The following IGF1R variants were observed in gnomAD, a reference collection of about 807,000 sequenced individuals.
The protein encoded by IGF1R is insulin-like growth factor 1 receptor.
In IGF1R, 44 loss-of-function variants were observed where a neutral mutation model predicts 144.6. The observed-to-expected ratio is 0.30, with a 90% CI of 0.24 to 0.39. IGF1R has a LOEUF of 0.39. Ranked by LOEUF, IGF1R falls within the 10% of genes least tolerant of loss-of-function variation. IGF1R has a pLI of 1.00. For synonymous variants in IGF1R, 795 were observed against 722.8 expected (o/e 1.10, Z -1.60); for missense variants, 1,355 against 1,833.7 (o/e 0.74, Z 4.77).
At position 98,694,990 on chromosome 15, in the gene IGF1R, C is replaced by A. The variant is rs552609511; in HGVS notation, c.95-12572C>A. Among the ~76,000 whole-genome samples, 56 of 152,228 alleles carry A rather than the reference C, an allele frequency of 3.7e-4. 1 individual carries two copies. The highest frequency in any genetic ancestry group is 6.8e-3 in the Middle Eastern group (2 of 294). ...ATCTTGTGTTCCAAATTTGTGAGAT[C>A]CATTTCTGTCCTCTAAGGAAAATGT... On this transcript the variant is annotated intron_variant, in intron 1 of 20. Transcript: ENST00000650285.
chr15:98,899,671 C>T (rs1192875283), intron 5 of IGF1R, 50 bp downstream of exon 5: 5 of 1,571,738 alleles, frequency 3.2e-6, no homozygotes, highest in African/African-American at 1.3e-5. Flanking sequence ...AAATAAGCAG[C>T]GTGCTTATGA....
intron 2 of IGF1R, among the ~76,000 whole-genome samples, chr15:98,810,431 A>G (rs992883669): frequency 2.0e-5 from 3 of 152,226 alleles, no homozygotes; most frequent in African/African-American, 7.2e-5. Flanking sequence ...TGGATAAATT[A>G]ATCTTGAGGA....
At position 98,908,895 on chromosome 15, in the gene IGF1R, C is replaced by G; in HGVS notation, c.1458C>G (p.Ala486=). The part of the protein sequence containing the change: ...DINTRNNGER[A]SCESDVLHFT... Reference sequence around the variant, plus strand: ...ACACCAGGAACAACGGGGAGAGAGCCTCCTGTGAGTGACAGCATCCAAAAC... The same window carrying G: ...ACACCAGGAACAACGGGGAGAGAGCGTCCTGTGAGTGACAGCATCCAAAAC... The change falls in exon 6 of 21, where the codon GCC becomes GCG. Residue 486 remains alanine (A), a synonymous_variant. Transcript: ENST00000650285. 2.5e-6 allele frequency: 4 copies of G among 1,613,156 alleles called. No homozygotes were observed. The highest frequency in any genetic ancestry group is 2.5e-6 in the Non-Finnish European group (3 of 1,179,488).
chr15:98,852,265 C>T (rs1012079564), intron 2 of IGF1R, among the ~76,000 whole-genome samples: 31 of 152,184 alleles, frequency 2.0e-4, no homozygotes, highest in Non-Finnish European at 4.1e-4. Flanking sequence ...TCCTGCTCTC[C>T]CCTCCGAGGG....
At position 98,942,927 on chromosome 15, in the gene IGF1R, T is replaced by C; in HGVS notation, c.3462T>C (p.Phe1154=). The change falls in exon 19 of 21, where the codon TTT becomes TTC. Residue 1154 remains phenylalanine, a synonymous_variant. Coordinates refer to ENST00000650285, the MANE Select transcript of IGF1R (RefSeq NM_000875.5). Reference sequence around the variant, plus strand: ...GCGCCCTCTCTTCCCTTACAGATTTTGGTATGACGCGAGATATCTATGAGA... The same window carrying C: ...GCGCCCTCTCTTCCCTTACAGATTTCGGTATGACGCGAGATATCTATGAGA... ...AEDFTVKIGD[F]GMTRDIYETD... 6.2e-7 allele frequency: 1 copy of C among 1,614,150 alleles called. No individual in the cohort carries two copies. Among genetic ancestry groups the C allele is most frequent in the Non-Finnish European group, 8.5e-7 (1 of 1,180,004 alleles).
chr15:98,784,764 T>C (rs2055949647), intron 2 of IGF1R, among the ~76,000 whole-genome samples: 2 of 152,140 alleles, frequency 1.3e-5, no homozygotes, highest in African/African-American at 4.8e-5. Context: ...TAAAAACTAG[T>C]ATAACAACTT....
At chr15:98,936,113 G>A (rs1047699723) in intron 17 of IGF1R, among the ~76,000 whole-genome samples, 2 of 152,152 alleles carry the variant, frequency 1.3e-5, no homozygotes, top group African/African-American at 4.8e-5. Flanking sequence ...ATTGTTGGCG[G>A]TCCTTGTCTT....
At chr15:98,931,001 G>T (rs1320756215) in intron 15 of IGF1R, among the ~76,000 whole-genome samples, 1 of 152,162 alleles carries the variant, frequency 6.6e-6, no homozygotes, top group Non-Finnish European at 1.5e-5. Flanking sequence ...CCCTTAACTG[G>T]CACTTTGCTA....
chr15:98,787,386 C>CT (rs1399703461), intron 2 of IGF1R, among the ~76,000 whole-genome samples: 3 of 152,194 alleles, frequency 2.0e-5, no homozygotes, highest in Non-Finnish European at 4.4e-5. Context: ...AACCACCCAC[C>CT]TTAAATTATG....
At chr15:98,773,491 G>A (rs1002385142) in intron 2 of IGF1R, among the ~76,000 whole-genome samples, 4 of 152,100 alleles carry the variant, frequency 2.6e-5, no homozygotes, top group African/African-American at 7.2e-5. Context: ...GGATTAACAC[G>A]GAGCATTACT....
At chr15:98,956,530 T>C (rs112959679) in intron 20 of IGF1R, among the ~76,000 whole-genome samples, 318 of 152,304 alleles carry the variant, frequency 2.1e-3, no homozygotes, top group African/African-American at 6.9e-3. Context: ...CTTCCTTTGG[T>C]TGTCTGCCAG....
At chr15:98,693,724 G>A (rs904177453) in intron 1 of IGF1R, among the ~76,000 whole-genome samples, 9 of 152,210 alleles carry the variant, frequency 5.9e-5, no homozygotes, top group Admixed American at 3.9e-4. Flanking sequence ...TTGTGCTTCA[G>A]CCTTCTGAGT....
intron 2 of IGF1R, among the ~76,000 whole-genome samples, chr15:98,800,685 G>T (rs1228263478): frequency 1.3e-5 from 2 of 152,158 alleles, no homozygotes; most frequent in Non-Finnish European, 2.9e-5. Context: ...TTCTCAAGGG[G>T]AGGCGAACTT....
intron 1 of IGF1R, among the ~76,000 whole-genome samples, chr15:98,662,172 G>C (rs1187774532): frequency 6.6e-6 from 1 of 151,590 alleles, no homozygotes; most frequent in Non-Finnish European, 1.5e-5. Flanking sequence ...GTAGAGACGG[G>C]GTTTAGGCAT....
chr15:98,743,760 A>G (rs2054801809), intron 2 of IGF1R, among the ~76,000 whole-genome samples: 1 of 152,278 alleles, frequency 6.6e-6, no homozygotes, highest in Non-Finnish European at 1.5e-5. Context: ...TAAAGAATAG[A>G]TTAGGGAGGA....
At chr15:98,701,960 G>A (rs150530348) in intron 1 of IGF1R, among the ~76,000 whole-genome samples, 1,722 of 150,656 alleles carry the variant, frequency 0.011, 15 homozygotes, top group Non-Finnish European at 0.019. Context: ...GGAAGATGGG[G>A]TTTAGAGGTG....
intron 18 of IGF1R, among the ~76,000 whole-genome samples, chr15:98,940,687 G>C (rs984382198): frequency 2.0e-5 from 3 of 152,228 alleles, no homozygotes; most frequent in Non-Finnish European, 4.4e-5. Flanking sequence ...TTACAGGCGT[G>C]AGCCACCACA....
At chr15:98,849,004 C>T (rs758428058) in intron 2 of IGF1R, among the ~76,000 whole-genome samples, 7 of 152,116 alleles carry the variant, frequency 4.6e-5, no homozygotes, top group Non-Finnish European at 7.4e-5. Context: ...GTCAGTTCTC[C>T]GTAAGTTTTT....
intron 5 of IGF1R, among the ~76,000 whole-genome samples, chr15:98,902,865 A>C (rs928786080): frequency 6.6e-6 from 1 of 152,218 alleles, no homozygotes; most frequent in Non-Finnish European, 1.5e-5. Flanking sequence ...TTGGCTTTCC[A>C]AAATGTCACT....
Sources: allele counts gnomAD v4.1 joint callset (sites outside exome capture counted in the v4.1 genomes callset), GRCh38; gene constraint gnomAD v4.1.1; transcripts MANE v1.5; gene names NCBI Gene and HGNC (gene_info 2026-07-23, HGNC 2026-07-21).